Variants in PPFIA2 observed in about 807,000 individuals in gnomAD.
PPFIA2 encodes liprin-alpha-2.
Under a neutral mutation model 175.5 loss-of-function variants are expected in PPFIA2, and 46 were observed. The ratio of observed to expected loss-of-function variants is 0.26; its 90% CI spans 0.21 to 0.34. The LOEUF is 0.34. Among genes scored for constraint, PPFIA2 ranks in the 10% least tolerant of loss-of-function variants. The pLI is 1.00. For missense variants in PPFIA2, 1,179 were observed against 1,506.1 expected (o/e 0.78, Z 3.60); for synonymous variants, 568 against 511.4 (o/e 1.11, Z -1.49).
At chr12:81,651,472 A>T (rs2067011167) in intron 4 of PPFIA2, among the ~76,000 whole-genome samples, 1 of 152,160 alleles carries the variant, frequency 6.6e-6, no homozygotes, top group African/African-American at 2.4e-5. Context: ...TACATGACCA[A>T]AACTTAAACA....
rs114887971 is a variant in PPFIA2 at position 81,576,479 on chromosome 12, C to T, written c.303+100312G>A. ...ACTTAATCCTACCAAATAAAACAAC[C>T]GTTGCTGACCCTTTAGATAAGGCCT... On this transcript the variant is annotated intron_variant, in intron 4 of 32. Transcript: ENST00000549396. Among the ~76,000 whole-genome samples the T allele has an allele frequency of 4.2e-3, 638 of 151,782 alleles. 3 individuals are homozygous for T. Among genetic ancestry groups the T allele is most frequent in the African/African-American group, 0.015 (601 of 41,442 alleles).
At chr12:81,496,290 T>C (rs1029028981) in intron 4 of PPFIA2, among the ~76,000 whole-genome samples, 20 of 152,172 alleles carry the variant, frequency 1.3e-4, no homozygotes, top group East Asian at 5.8e-4. Context: ...ACAAGCAATG[T>C]GTGATCCGTG....
intron 4 of PPFIA2, among the ~76,000 whole-genome samples, chr12:81,675,185 A>C (rs2072247280): frequency 6.8e-6 from 1 of 147,666 alleles, no homozygotes; most frequent in South Asian, 2.2e-4. Context: ...ATAGATTGAT[A>C]TACTATACAC....
chr12:81,479,400 T>A (rs145172781), intron 4 of PPFIA2, among the ~76,000 whole-genome samples: 3 of 152,348 alleles, frequency 2.0e-5, no homozygotes, highest in African/African-American at 7.2e-5. Flanking sequence ...TCTGTATCTT[T>A]TAACTGGGGC....
At chr12:81,673,603 T>A (rs908136317) in intron 4 of PPFIA2, among the ~76,000 whole-genome samples, 4 of 152,034 alleles carry the variant, frequency 2.6e-5, no homozygotes, top group African/African-American at 9.7e-5. Context: ...TAATCTGTGA[T>A]CAAATTTTTA....
chr12:81,411,218 G>C (rs1366637751), intron 7 of PPFIA2, among the ~76,000 whole-genome samples: 1 of 151,996 alleles, frequency 6.6e-6, no homozygotes, highest in African/African-American at 2.4e-5. Flanking sequence ...TGTGTTCCTC[G>C]CACTGTAAGT....
At chr12:81,276,697 C>T (rs2040616914) in intron 28 of PPFIA2, among the ~76,000 whole-genome samples, 1 of 152,024 alleles carries the variant, frequency 6.6e-6, no homozygotes, top group Admixed American at 6.5e-5. Flanking sequence ...TTCTAACAAA[C>T]CTGCAATATG....
Position 81,358,218 on chromosome 12 carries a change from C to A in PPFIA2, c.1638-1G>T. On this transcript the variant is annotated splice_acceptor_variant, in intron 15 of 32. Transcript: ENST00000549396. LOFTEE classifies it high-confidence loss of function. ...CTCAGCTGAGGTGTCTAGATGAGTT[C>A]TGGAAAAAAGGAAAAATATAAAATA... 1 of 1,569,676 alleles carries A rather than the reference C, an allele frequency of 6.4e-7. No homozygotes were observed. The highest frequency in any genetic ancestry group is 2.3e-5 in the East Asian group (1 of 42,728).
intron 4 of PPFIA2, chr12:81,465,402 G>C (rs2055428338): frequency 6.6e-6 from 1 of 152,058 alleles, no homozygotes; most frequent in African/African-American, 2.4e-5. Flanking sequence ...TCAACCATTT[G>C]TGCAAATCAA....
chr12:81,344,965 G>T (rs1172545716), intron 18 of PPFIA2, among the ~76,000 whole-genome samples: 1 of 152,148 alleles, frequency 6.6e-6, no homozygotes, highest in East Asian at 1.9e-4. Context: ...TGGACCCTGG[G>T]AAAGAGAAAC....
chr12:81,561,875 T>C (rs1469796734), intron 4 of PPFIA2, among the ~76,000 whole-genome samples: 1 of 152,232 alleles, frequency 6.6e-6, no homozygotes, highest in South Asian at 2.1e-4. Context: ...CTGCATTGAA[T>C]AGCTTATTAT....
intron 4 of PPFIA2, among the ~76,000 whole-genome samples, chr12:81,474,592 C>A (rs758162561): frequency 1.8e-4 from 28 of 152,132 alleles, no homozygotes; most frequent in Non-Finnish European, 3.2e-4. Flanking sequence ...GAGCCTGGCC[C>A]TCTTGTGGAG....
At chr12:81,698,975 A>T (rs765491281) in intron 3 of PPFIA2, among the ~76,000 whole-genome samples, 13 of 152,130 alleles carry the variant, frequency 8.5e-5, no homozygotes, top group Non-Finnish European at 1.5e-4. Context: ...TTTACTATCT[A>T]TGAGTAGCTT....
intron 3 of PPFIA2, among the ~76,000 whole-genome samples, chr12:81,695,193 A>G (rs2075756878): frequency 6.6e-6 from 1 of 152,142 alleles, no homozygotes; most frequent in African/African-American, 2.4e-5. Flanking sequence ...GTATTTTGCA[A>G]TGTGAGAAGG....
At chr12:81,477,808 T>A (rs1436759891) in intron 4 of PPFIA2, among the ~76,000 whole-genome samples, 1 of 152,182 alleles carries the variant, frequency 6.6e-6, no homozygotes, top group Non-Finnish European at 1.5e-5. Context: ...AGTTTGCCAG[T>A]ATTTTATTGA....
chr12:81,334,188 T>TCA (rs1247259666), intron 21 of PPFIA2, among the ~76,000 whole-genome samples: 11 of 152,214 alleles, frequency 7.2e-5, no homozygotes, highest in Admixed American at 7.2e-4. Context: ...TTATGCATGA[T>TCA]CACAGATCTT....
intron 3 of PPFIA2, among the ~76,000 whole-genome samples, chr12:81,751,889 TACA>T (rs1399032913): frequency 1.3e-5 from 2 of 152,198 alleles, no homozygotes; most frequent in Admixed American, 1.3e-4. Context: ...GCTTTATTTT[TACA>T]ACATTTTTAA....
intron 23 of PPFIA2, among the ~76,000 whole-genome samples, chr12:81,298,849 G>A (rs1047736259): frequency 6.6e-6 from 1 of 152,142 alleles, no homozygotes; most frequent in Non-Finnish European, 1.5e-5. Flanking sequence ...CTGGTCCATA[G>A]GCTTTAGAGA....
At chr12:81,268,146 T>C (rs2136303553) in intron 28 of PPFIA2, 59 bp from the exon 29 acceptor site, 2 of 1,057,228 alleles carry the variant, frequency 1.9e-6, no homozygotes, top group East Asian at 3.2e-5. Context: ...TTTTTTTTTT[T>C]TTTTTTTTTT....
Sources: allele counts gnomAD v4.1 joint callset (sites outside exome capture counted in the v4.1 genomes callset), GRCh38; gene constraint gnomAD v4.1.1; transcripts MANE v1.5; gene names NCBI Gene and HGNC (gene_info 2026-07-23, HGNC 2026-07-21).